CCDC83: variants seen among roughly 807,000 people sequenced by gnomAD.
CCDC83 encodes the protein coiled-coil domain-containing protein 83.
Under a neutral mutation model 50.1 loss-of-function variants are expected in CCDC83, and 54 were observed. The ratio of observed to expected loss-of-function variants is 1.08; its 90% CI spans 0.87 to 1.35. The LOEUF (loss-of-function observed/expected upper bound fraction) is 1.35. Among genes scored for constraint, CCDC83 ranks in the 40% most tolerant of loss-of-function variants. The probability of loss-of-function intolerance (pLI) is 0.00; values close to 1 mark genes in which losing one functional copy is unlikely to be tolerated. For missense variants in CCDC83, 518 were observed against 473.9 expected, an observed-to-expected ratio of 1.09 and a Z score of -0.86; for synonymous variants, 161 against 153.3, an observed-to-expected ratio of 1.05 and a Z score of -0.37.
At chr11:85,917,166 G>GAGAGAGGGAAAGAA (rs756949334) in intron 10 of CCDC83, among the ~76,000 whole-genome samples, 1 of 62,416 alleles carries the variant, frequency 1.6e-5, no homozygotes, top group African/African-American at 5.6e-5. Context: ...GAGAGAGAGA[G>GAGAGAGGGAAAGAA]AGAAAGAAAG....
rs540270617 is a variant in CCDC83, at chr11:85,862,710, C to A, written c.-28-2386C>A. Among the ~76,000 whole-genome samples the A allele has an allele frequency of 2.0e-5, 3 of 152,226 alleles. No individual in the cohort carries two copies. In the East Asian group the frequency reaches 5.8e-4, roughly 29 times the overall value. ...ATTCTCACCCTTTACTGAGAGAAAT[C>A]TTCTGGGTGGTCAGGAACTGTGAAT... On this transcript the variant is annotated intron_variant, in intron 1 of 10. Transcript: ENST00000342404.
At chr11:85,888,382 T>C (rs1397609868) in intron 5 of CCDC83, among the ~76,000 whole-genome samples, 1 of 152,212 alleles carries the variant, frequency 6.6e-6, no homozygotes, top group African/African-American at 2.4e-5. Flanking sequence ...TTCCATTTCT[T>C]TTATTAAAAG....
At chr11:85,912,358 T>C (rs565465060) in intron 8 of CCDC83, among the ~76,000 whole-genome samples, 1 of 152,286 alleles carries the variant, frequency 6.6e-6, no homozygotes, top group Admixed American at 6.5e-5. Flanking sequence ...GGGTTCCCTG[T>C]TTGCTAGGCT....
rs374349623 is a variant in CCDC83 at position 85,901,161 on chromosome 11, G to A, written c.672+2146G>A. On this transcript the variant is annotated intron_variant, in intron 7 of 10. Coordinates refer to ENST00000342404, the MANE Select transcript of CCDC83 (RefSeq NM_001286159.2). ...GCAGGCAGATCACTTGAGTGCAGGA[G>A]TTTGAGACCAGCCTAGGCAACATGG... Among the ~76,000 whole-genome samples the A allele has an allele frequency of 3.3e-5, 5 of 152,132 alleles. No individual in the cohort carries two copies. The South Asian group carries it at 6.2e-4, about 19-fold the overall frequency.
In CCDC83 at chr11:85,919,794, T is replaced by A. The variant is rs7118279; in HGVS notation, c.*284T>A. ...GAGGTTCCTTTTCACACACAAAAAA[T>A]TCACTGATTAATCTGTGATTCCAGT... On this transcript the variant is annotated 3_prime_UTR_variant, in exon 11 of 11. Coordinates refer to ENST00000342404, the MANE Select transcript of CCDC83 (RefSeq NM_001286159.2). 0.11 allele frequency: 33,852 copies of A among 299,494 alleles called. 2,077 individuals carry two copies. Among genetic ancestry groups the A allele is most frequent in the Admixed American group, 0.15 (2,677 of 18,454 alleles). The allele number at this position is 299,494 out of a possible 1,614,324, so 18.6% of individuals were successfully genotyped here. A position where few individuals can be genotyped will look rare whatever the true frequency, so the allele number is the denominator to read the frequency against.
intron 10 of CCDC83, among the ~76,000 whole-genome samples, chr11:85,917,158 G>GAAAGAAAGAAAGAAAGAAAGAAAGAA (rs1202011090): frequency 6.7e-4 from 45 of 66,836 alleles, no homozygotes; most frequent in African/African-American, 2.2e-3. Context: ...GAGAGAGAGA[G>GAAAGAAAGAAAGAAAGAAAGAAAGAA]AGAGAGAGAG....
At chr11:85,870,173 T>C (rs2093229087) in intron 2 of CCDC83, among the ~76,000 whole-genome samples, 1 of 152,160 alleles carries the variant, frequency 6.6e-6, no homozygotes, top group Non-Finnish European at 1.5e-5. Context: ...AAACAGCAAA[T>C]AATTTGCTTA....
intron 3 of CCDC83, among the ~76,000 whole-genome samples, chr11:85,881,433 T>C (rs2093299939): frequency 6.6e-6 from 1 of 152,158 alleles, no homozygotes; most frequent in South Asian, 2.1e-4. Flanking sequence ...TTCTTATTTT[T>C]ATTTTTTGAA....
At chr11:85,873,755 T>C (rs1328920006) in intron 3 of CCDC83, among the ~76,000 whole-genome samples, 2 of 152,202 alleles carry the variant, frequency 1.3e-5, no homozygotes, top group African/African-American at 4.8e-5. Context: ...ATACTGTTTT[T>C]ATAAAATCAG....
intron 8 of CCDC83, chr11:85,912,594 C>T: frequency 9.8e-7 from 1 of 1,016,884 alleles, no homozygotes; most frequent in Non-Finnish European, 1.6e-6. Flanking sequence ...GGTAGGTGCT[C>T]ACTGTTGCCC....
intron 2 of CCDC83, among the ~76,000 whole-genome samples, chr11:85,872,316 CT>C (rs944349231): frequency 1.3e-5 from 2 of 152,044 alleles, no homozygotes; most frequent in Non-Finnish European, 2.9e-5. Context: ...GAAACTCCGT[CT>C]CTACAAAAAA....
chr11:85,914,652 T>A (rs1003763257), intron 8 of CCDC83, among the ~76,000 whole-genome samples: 1 of 152,210 alleles, frequency 6.6e-6, no homozygotes, highest in Non-Finnish European at 1.5e-5. Flanking sequence ...ATGCTCACTC[T>A]CAATTTTTTG....
intron 8 of CCDC83, chr11:85,912,618 C>T: frequency 7.4e-7 from 1 of 1,351,366 alleles, no homozygotes; most frequent in Non-Finnish European, 1.1e-6. Context: ...AGGCAATGCT[C>T]ACTTTTGCCA....
chr11:85,882,402 C>G, intron 3 of CCDC83, 111 bp from the exon 4 acceptor site: 1 of 963,666 alleles, frequency 1.0e-6, no homozygotes, highest in Non-Finnish European at 1.6e-6. Context: ...GTCCAGGCTT[C>G]CCACTTGCCT....
chr11:85,904,600 T>A (rs2135113219), intron 7 of CCDC83, among the ~76,000 whole-genome samples: 1 of 152,320 alleles, frequency 6.6e-6, no homozygotes, highest in Admixed American at 6.5e-5. Context: ...CAAATGTACA[T>A]CTTCAGCACA....
intron 6 of CCDC83, among the ~76,000 whole-genome samples, chr11:85,895,661 G>A (rs2093371013): frequency 6.6e-6 from 1 of 152,170 alleles, no homozygotes; most frequent in Non-Finnish European, 1.5e-5. Context: ...CTTACTGGCT[G>A]TATAATGAAT....
intron 5 of CCDC83, among the ~76,000 whole-genome samples, chr11:85,887,162 T>C (rs2093331035): frequency 2.0e-5 from 3 of 152,214 alleles, no homozygotes; most frequent in Non-Finnish European, 4.4e-5. Flanking sequence ...GGAGAGGCTA[T>C]AGAGTAGGAT....
At chr11:85,882,964 C>T (rs958102714) in intron 4 of CCDC83, among the ~76,000 whole-genome samples, 1 of 152,122 alleles carries the variant, frequency 6.6e-6, no homozygotes. Context: ...GTCACCCAGG[C>T]TGGAGTGCAG....
chr11:85,864,875 G>A (rs921320184), intron 1 of CCDC83, among the ~76,000 whole-genome samples: 1 of 152,154 alleles, frequency 6.6e-6, no homozygotes, highest in Non-Finnish European at 1.5e-5. Context: ...AGTTTTGGGT[G>A]GAGGGAATGC....
Sources: allele counts gnomAD v4.1 joint callset (sites outside exome capture counted in the v4.1 genomes callset), GRCh38; gene constraint gnomAD v4.1.1; transcripts MANE v1.5; gene names NCBI Gene and HGNC (gene_info 2026-07-23, HGNC 2026-07-21).